PSPC1: variants seen among roughly 807,000 people sequenced by gnomAD.
PSPC1 encodes paraspeckle protein 1.
PSPC1 carries 14 observed loss-of-function variants against 51.6 expected under a neutral mutation model. That is an observed-to-expected ratio of 0.27 (90% CI 0.18 to 0.42). The LOEUF (loss-of-function observed/expected upper bound fraction) is 0.42, where lower values mean the gene tolerates loss of function less well. PSPC1 is among the 10% of genes least tolerant of loss of function. The pLI, the probability that PSPC1 is intolerant of heterozygous loss-of-function variation, is 1.00. For missense variants in PSPC1, 406 were observed against 701.1 expected (o/e 0.58, Z 4.75); for synonymous variants, 193 against 231.9 (o/e 0.83, Z 1.53).
At chr13:19,710,782 G>C (rs1314932886) in intron 6 of PSPC1, among the ~76,000 whole-genome samples, 2 of 151,956 alleles carry the variant, frequency 1.3e-5, no homozygotes, top group Non-Finnish European at 2.9e-5. Flanking sequence ...ATCATGAAGA[G>C]ATAAAATGCT....
At chr13:19,706,125 C>A (rs1369789957) in intron 7 of PSPC1, among the ~76,000 whole-genome samples, 2 of 152,146 alleles carry the variant, frequency 1.3e-5, no homozygotes, top group Non-Finnish European at 2.9e-5. Flanking sequence ...TTTGTAATAG[C>A]AGGCTTTTAA....
At chr13:19,739,769 G>A (rs931157607) in intron 5 of PSPC1, among the ~76,000 whole-genome samples, 9 of 148,356 alleles carry the variant, frequency 6.1e-5, no homozygotes, top group Non-Finnish European at 1.3e-4. Flanking sequence ...AAAAAAAGTA[G>A]AAGAGATTTG....
intron 6 of PSPC1, among the ~76,000 whole-genome samples, chr13:19,726,603 A>G (rs1883382139): frequency 6.6e-6 from 1 of 152,228 alleles, no homozygotes; most frequent in Non-Finnish European, 1.5e-5. Flanking sequence ...TTTATTACGT[A>G]CATTGGAAAA....
intron 4 of PSPC1, among the ~76,000 whole-genome samples, chr13:19,742,933 G>C (rs921004116): frequency 8.2e-6 from 1 of 121,634 alleles, no homozygotes; most frequent in African/African-American, 3.1e-5. Flanking sequence ...GAAGAAGAGT[G>C]AGGAGACAAT....
intron 1 of PSPC1, among the ~76,000 whole-genome samples, chr13:19,773,624 A>G (rs914018951): frequency 2.0e-5 from 3 of 151,622 alleles, no homozygotes; most frequent in African/African-American, 7.3e-5. Context: ...CTTCAATTTT[A>G]TATGTAAAAA....
chr13:19,762,741 T>C (rs183241839), intron 2 of PSPC1, among the ~76,000 whole-genome samples: 8 of 152,336 alleles, frequency 5.3e-5, no homozygotes, highest in Non-Finnish European at 1.2e-4. Flanking sequence ...CCACTCCCTA[T>C]AGAAGCTCCC....
intron 5 of PSPC1, among the ~76,000 whole-genome samples, chr13:19,732,462 T>A (rs1187730224): frequency 6.6e-6 from 1 of 152,188 alleles, no homozygotes; most frequent in African/African-American, 2.4e-5. Context: ...AATATACTTA[T>A]ATGCTCAGTG....
chr13:19,739,220 GTGA>G lies in PSPC1; in HGVS notation c.1052+2342_1052+2344del, dbSNP rs1413253537. ...GTTTTCTTCCCTACCCCCTTTCAAT[GTGA>G]TGATGTTATTCATTTGTAAGACAAT... On this transcript the variant is annotated intron_variant, in intron 5 of 8. Coordinates refer to ENST00000338910, the MANE Select transcript of PSPC1 (RefSeq NM_001354909.2). Among the ~76,000 whole-genome samples the G allele has an allele frequency of 2.6e-5, 4 of 152,208 alleles. No individual in the cohort carries two copies. In the South Asian group the frequency reaches 6.2e-4, roughly 24 times the overall value.
downstream of PSPC1, among the ~76,000 whole-genome samples, chr13:19,700,583 G>A (rs1049269812): frequency 3.3e-5 from 5 of 152,010 alleles, no homozygotes; most frequent in South Asian, 8.3e-4. Flanking sequence ...CAAAAATGGG[G>A]GAAATTCCAA....
At chr13:19,713,958 A>G (rs1881773155) in intron 6 of PSPC1, among the ~76,000 whole-genome samples, 2 of 152,238 alleles carry the variant, frequency 1.3e-5, no homozygotes, top group East Asian at 1.9e-4. Context: ...ATGGCTAGGA[A>G]AAGTCCCAGC....
In PSPC1 at chr13:19,730,954, AAACAAAAAAAC is replaced by A. The variant is rs1376593516; in HGVS notation, c.1053-621_1053-611del. Among the ~76,000 whole-genome samples, 123 of 45,972 alleles carry A rather than the reference AAACAAAAAAAC, an allele frequency of 2.7e-3. 6 individuals are homozygous for A. Among genetic ancestry groups the A allele is most frequent in the African/African-American group, 5.6e-3 (111 of 19,736 alleles). The allele number at this position is 45,972 out of a possible 152,430, so 30.2% of individuals were successfully genotyped here. A position where few individuals can be genotyped will look rare whatever the true frequency, so the allele number is the denominator to read the frequency against. ...AGTGAGACCCTGTCTCAGAAAAAAAAAACAAAAAAACAAAAAAAAAAAAAACAGAAAAAGTC... is the reference window on the plus strand; with the variant it reads ...AGTGAGACCCTGTCTCAGAAAAAAAAAAAAAAAAAAAAAACAGAAAAAGTC... On this transcript the variant is annotated intron_variant, in intron 5 of 8. Coordinates refer to ENST00000338910, the MANE Select transcript of PSPC1 (RefSeq NM_001354909.2).
chr13:19,753,364 C>G (rs1886757812), intron 3 of PSPC1, among the ~76,000 whole-genome samples: 1 of 151,328 alleles, frequency 6.6e-6, no homozygotes, highest in South Asian at 2.1e-4. Flanking sequence ...GGCTACAGAG[C>G]ACCTAGAACT....
At chr13:19,779,555 T>TG (rs1339259080) in intron 1 of PSPC1, among the ~76,000 whole-genome samples, 1 of 12,150 alleles carries the variant, frequency 8.2e-5, no homozygotes, top group Admixed American at 7.8e-4. Context: ...CGGAGGGAGG[T>TG]GGGGGGGTCA....
chr13:19,682,864 C>G (rs980289201), intron 6 of PSPC1, among the ~76,000 whole-genome samples: 1 of 151,570 alleles, frequency 6.6e-6, no homozygotes, highest in African/African-American at 2.4e-5. Flanking sequence ...GAGTTCAAGA[C>G]CAACCTGGGT....
chr13:19,742,966 T>C (rs1401415312), intron 4 of PSPC1, among the ~76,000 whole-genome samples: 2 of 152,082 alleles, frequency 1.3e-5, no homozygotes, highest in Non-Finnish European at 2.9e-5. Context: ...AAAGCAAAGA[T>C]AAATGCTGAT....
chr13:19,771,971 T>A (rs957964306), intron 2 of PSPC1, among the ~76,000 whole-genome samples: 1 of 152,188 alleles, frequency 6.6e-6, no homozygotes. Flanking sequence ...AGGATTACCT[T>A]AAGTTTATAG....
intron 2 of PSPC1, among the ~76,000 whole-genome samples, chr13:19,770,841 G>A (rs910760251): frequency 1.6e-4 from 25 of 151,694 alleles, no homozygotes; most frequent in African/African-American, 6.1e-4. Flanking sequence ...AGAGGTTACA[G>A]TGAGTCAAGA....
Position 19,777,838 on chromosome 13 carries a change from C to T in PSPC1, c.372+4548G>A, listed in dbSNP as rs554702904. Among the ~76,000 whole-genome samples the T allele has an allele frequency of 6.6e-5, 10 of 152,160 alleles. 1 individual carries two copies. The East Asian group carries it at 1.9e-3, about 29-fold the overall frequency. On this transcript the variant is annotated intron_variant, in intron 1 of 8. Coordinates refer to ENST00000338910, the MANE Select transcript of PSPC1 (RefSeq NM_001354909.2). ...GCACACACCTGTAGTCCCAGCTACT[C>T]AGGAGGCTGAGGCAGGAGAATCGCT... is the stretch of plus-strand genomic sequence containing the variant.
rs142595902 is a variant in PSPC1, at chr13:19,759,026, T to A, written c.770+297A>T. ...TTAGCTGGGCATGGTGGTGCGTGCC[T>A]GTAATCCCAGCTACTCAGGAGTCTG... On this transcript the variant is annotated intron_variant, in intron 3 of 8. Transcript: ENST00000338910. Among the ~76,000 whole-genome samples, 860 of 152,126 alleles carry A rather than the reference T, an allele frequency of 5.7e-3. 10 individuals carry two copies. The highest frequency in any genetic ancestry group is 4.3e-3 in the Non-Finnish European group (291 of 68,024).
Sources: gnomAD v4.1 joint callset for allele counts (sites outside exome capture counted in the v4.1 genomes callset) on GRCh38, gnomAD v4.1.1 for gene constraint, MANE v1.5 for transcripts, NCBI Gene and HGNC (gene_info 2026-07-23, HGNC 2026-07-21) for gene names.